Variants in MUC5B observed in about 807,000 individuals in gnomAD.
MUC5B encodes mucin 5B, oligomeric mucus/gel-forming, also known as mucin-5B.
Under a neutral mutation model 376.9 loss-of-function variants are expected in MUC5B, and 116 were observed. That is an observed-to-expected ratio of 0.31 (90% CI 0.26 to 0.36). MUC5B has a LOEUF of 0.36. Among genes scored for constraint, MUC5B ranks in the 10% least tolerant of loss-of-function variants. MUC5B has a pLI of 1.00. For synonymous variants in MUC5B, 3,517 were observed against 3,390.9 expected, an observed-to-expected ratio of 1.04 and a Z score of -1.29; for missense variants, 7,165 against 7,769.9, an observed-to-expected ratio of 0.92 and a Z score of 2.93.
At position 1,258,554 on chromosome 11, in the gene MUC5B, T is replaced by C. The variant is rs540523098; in HGVS notation, c.16593+187T>C. Among the ~76,000 whole-genome samples the C allele has an allele frequency of 6.6e-6, 1 of 152,218 alleles. No individual in the cohort carries two copies. Among genetic ancestry groups the C allele is most frequent in the African/African-American group, 2.4e-5 (1 of 41,536 alleles). On this transcript the variant is annotated intron_variant, in intron 43 of 48. Transcript: ENST00000529681. The surrounding 1 kb of genome is among the most constrained non-coding windows in gnomAD (Gnocchi z 5.5). The stretch of plus-strand genomic sequence containing the variant: ...CAGGGGCACCTTACGTCGACAGCCA[T>C]GAGCTCCACAACTGCTGCCTCTGAG...
At chr11:1,255,332 C>CGCAG in intron 36 of MUC5B, 51 bp from the exon 37 acceptor site, 1 of 1,377,444 alleles carries the variant, frequency 7.3e-7, no homozygotes, top group Non-Finnish European at 9.8e-7. Context: ...CACGCACGCA[C>CGCAG]GCAGCTCCCT....
At position 1,251,524 on chromosome 11, in the gene MUC5B, A is replaced by G. The variant is rs3021156; in HGVS notation, c.14644A>G (p.Thr4882Ala). The G allele has an allele frequency of 0.076, 122,284 of 1,612,810 alleles. 5,172 individuals are homozygous for G. Among genetic ancestry groups the G allele is most frequent in the Admixed American group, 0.12 (7,147 of 59,984 alleles). The change falls in exon 31 of 49, where the codon ACC (threonine) becomes GCC (alanine). Residue 4882 changes from threonine to alanine, a missense_variant. Transcript: ENST00000529681. Reference protein sequence around the residue: ...GTAHTPKVVTTMATMPTATAS... With the variant: ...GTAHTPKVVTAMATMPTATAS... Reference sequence around the variant, plus strand: ...AGCTCACACCCCCAAAGTGGTGACCACCATGGCCACTATGCCCACAGCCAC... The same window carrying G: ...AGCTCACACCCCCAAAGTGGTGACCGCCATGGCCACTATGCCCACAGCCAC...
intron 26 of MUC5B, 78 bp downstream of exon 26, chr11:1,239,105 G>A: frequency 6.6e-7 from 1 of 1,506,556 alleles, no homozygotes; most frequent in Admixed American, 2.0e-5. Flanking sequence ...CTCCGAAGGT[G>A]CATTGACCTG....
chr11:1,249,001 A>G lies in MUC5B; in HGVS notation c.12121A>G (p.Ile4041Val). 1.2e-6 allele frequency: 2 copies of G among 1,608,378 alleles called. No individual in the cohort carries two copies. Among genetic ancestry groups the G allele is most frequent in the South Asian group, 1.1e-5 (1 of 90,716 alleles). Reference protein sequence around the residue: ...ATSGTLGTTHITEPSTGTSHT... With the variant: ...ATSGTLGTTHVTEPSTGTSHT... ...CTCAGGCACCTTGGGCACCACCCAC[A>G]TCACAGAGCCTTCCACGGGGACTTC... The change falls in exon 31 of 49, where the codon ATC (isoleucine) becomes GTC (valine). Residue 4041 changes from isoleucine (I) to valine (V), a missense_variant. By Grantham distance (29) the Ile-to-Val change is conservative. Around this residue, in one of 31 missense-constraint regions of MUC5B, gnomAD observed 47 missense variants for 98.5 expected, o/e 0.48. Coordinates refer to ENST00000529681, the MANE Select transcript of MUC5B (RefSeq NM_002458.3).
At chr11:1,239,220 C>G in intron 26 of MUC5B, 193 bp downstream of exon 26, 1 of 921,824 alleles carries the variant, frequency 1.1e-6, no homozygotes, top group Non-Finnish European at 1.6e-6. Flanking sequence ...ACAGGTTGCC[C>G]CAGCATGAGA....
In MUC5B at chr11:1,255,028, C is replaced by T. The variant is rs1218831919; in HGVS notation, c.15665-13C>T. The T allele has an allele frequency of 1.3e-6, 2 of 1,576,748 alleles. No homozygotes were observed. The highest frequency in any genetic ancestry group is 1.8e-5 in the Admixed American group (1 of 54,996). Reference sequence around the variant, plus strand: ...CCCAGATTCCAGCCCCGCGGTGACGCCCCCACTCCCAGGCACCTGCACCAA... The same window carrying T: ...CCCAGATTCCAGCCCCGCGGTGACGTCCCCACTCCCAGGCACCTGCACCAA... On this transcript the variant is annotated splice_polypyrimidine_tract_variant and intron_variant, in intron 35 of 48. Coordinates refer to ENST00000529681, the MANE Select transcript of MUC5B (RefSeq NM_002458.3).
intron 18 of MUC5B, 54 bp downstream of exon 18, chr11:1,233,322 C>A: frequency 6.9e-7 from 1 of 1,456,858 alleles, no homozygotes; most frequent in South Asian, 1.4e-5. Flanking sequence ...AGCCACTTCC[C>A]GCCCTCCCCG....
rs192038475 is a variant in MUC5B, at chr11:1,244,838, C to T, written c.7958C>T (p.Pro2653Leu). ...TCCACGGTGACCCCCTCCTCCATCC[C>T]GGGGACCACCCACACCCCCACAGTG... Reference protein sequence around the residue: ...RGSTVTPSSIPGTTHTPTVLT... With the variant: ...RGSTVTPSSILGTTHTPTVLT... Residue 2653 changes from proline to leucine, a missense_variant, in exon 31 of 49, where the codon CCG becomes CTG. Around this residue, in one of 31 missense-constraint regions of MUC5B, gnomAD observed 141 missense variants for 111.2 expected, o/e 1.27. Transcript: ENST00000529681. 2.2e-5 allele frequency: 36 copies of T among 1,613,662 alleles called. No individual in the cohort carries two copies. Among genetic ancestry groups the T allele is most frequent in the African/African-American group, 1.2e-4 (9 of 74,946 alleles).
At position 1,227,704 on chromosome 11, in the gene MUC5B, A is replaced by G. The variant is rs773781510; in HGVS notation, c.697A>G (p.Asn233Asp). The G allele has an allele frequency of 4.1e-6, 3 of 723,732 alleles. No homozygotes were observed. The highest frequency in any genetic ancestry group is 5.1e-6 in the Non-Finnish European group (2 of 388,660). 44.8% of individuals were successfully genotyped at this position (723,732 alleles called of 1,614,324 possible). ...CAGGCTGACCCCGCTCCAGTTTGGG[A>G]ACCTGCAGAAGTTGGATGGGCCCAC... ...NARLTPLQFG[N>D]LQKLDGPTEQ... Residue 233 changes from asparagine (N) to aspartate (D), a missense_variant, in exon 7 of 49, where the codon AAC becomes GAC. Asn to Asp is a conservative substitution (Grantham distance 23, BLOSUM62 1). This residue lies in a region of MUC5B where 640 missense variants were observed against 733.0 expected (regional missense o/e 0.87). Transcript: ENST00000529681.
Position 1,236,438 on chromosome 11 carries a change from C to T in MUC5B, c.2933C>T (p.Pro978Leu), listed in dbSNP as rs55818843. 1.0e-4 allele frequency: 163 copies of T among 1,612,562 alleles called. No homozygotes were observed. In the East Asian group the frequency reaches 2.5e-3, roughly 25 times the overall value. The change falls in exon 24 of 49, where the codon CCG (proline) becomes CTG (leucine). Residue 978 changes from proline to leucine, a missense_variant. This residue lies in a region of MUC5B where 530 missense variants were observed against 604.0 expected (regional missense o/e 0.88). Transcript: ENST00000529681. The stretch of plus-strand genomic sequence containing the variant: ...ACCTTTAAGGCGGTGGCGAGAGGGC[C>T]GGGTGGGGACCCACCCTACAAGATA... The part of the protein sequence containing the change: ...EGTFKAVARG[P>L]GGDPPYKIRY...
Position 1,257,073 on chromosome 11 carries a change from C to T in MUC5B, c.16238-167C>T, listed in dbSNP as rs531689337. ...TTCCATGCACTGACAGCTGGGCTCA[C>T]GGTGCCCTGGCCTGAGCTCCAGCCA... On this transcript the variant is annotated intron_variant, in intron 39 of 48. Coordinates refer to ENST00000529681, the MANE Select transcript of MUC5B (RefSeq NM_002458.3). This position sits in a 1 kb window ranked among gnomAD's most constrained non-coding sequence, Gnocchi z 8.9. 2.6e-5 allele frequency among the ~76,000 whole-genome samples: 4 copies of T among 152,324 alleles called. No individual in the cohort carries two copies. Among genetic ancestry groups the T allele is most frequent in the South Asian group, 4.1e-4 (2 of 4,824 alleles).
rs1862265735 is a variant in MUC5B at position 1,240,881 on chromosome 11, T to C, written c.4001T>C (p.Val1334Ala). The C allele has an allele frequency of 1.2e-6, 2 of 1,611,658 alleles. No individual in the cohort carries two copies. The highest frequency in any genetic ancestry group is 8.5e-7 in the Non-Finnish European group (1 of 1,179,638). The change falls in exon 31 of 49, where the codon GTC becomes GCC. Residue 1334 changes from valine to alanine, a missense_variant. Val to Ala is a moderately conservative substitution (Grantham distance 64). Transcript: ENST00000529681. ...GCCCTCCCGGTCTCCACCGTGTGTGTCCGCGAGGTCTGCCGCTGGTCCAGC... is the reference window on the plus strand; with the variant it reads ...GCCCTCCCGGTCTCCACCGTGTGTGCCCGCGAGGTCTGCCGCTGGTCCAGC... ...SPALPVSTVC[V>A]REVCRWSSWY...
chr11:1,227,513 G>A (rs1202585347), intron 6 of MUC5B, 115 bp downstream of exon 6: 3 of 793,068 alleles, frequency 3.8e-6, no homozygotes, highest in South Asian at 3.1e-5. Flanking sequence ...GCAGGGAGGG[G>A]CCACGAGGAC....
rs1590172074 is a variant in MUC5B at position 1,234,091 on chromosome 11, T to C, written c.2378-114T>C. ...TGGGGGCTGCAGGTGTCATGGAAGC[T>C]TTGGCTCGGGGGCTGTTAACTTGAT... On this transcript the variant is annotated intron_variant, in intron 19 of 48. Coordinates refer to ENST00000529681, the MANE Select transcript of MUC5B (RefSeq NM_002458.3). This position sits in a 1 kb window ranked among gnomAD's most constrained non-coding sequence, Gnocchi z 6.3. 4.2e-6 allele frequency: 4 copies of C among 945,830 alleles called. No homozygotes were observed. The South Asian group carries it at 6.1e-5, about 14-fold the overall frequency. 58.6% of individuals were successfully genotyped at this position (945,830 alleles called of 1,614,324 possible).
rs1862848003 is a variant in MUC5B, at chr11:1,256,763, A to C, written c.16229A>C (p.Gln5410Pro). 6.5e-7 allele frequency: 1 copy of C among 1,530,120 alleles called. No homozygotes were observed. Among genetic ancestry groups the C allele is most frequent in the African/African-American group, 1.4e-5 (1 of 71,764 alleles). The allele number at this position is 1,530,120 out of a possible 1,614,324, so 94.8% of individuals were successfully genotyped here. A position where few individuals can be genotyped will look rare whatever the true frequency, so the allele number is the denominator to read the frequency against. Residue 5410 changes from glutamine to proline, a missense_variant, in exon 39 of 49, where the codon CAG (glutamine) becomes CCG (proline). Around this residue, in one of 31 missense-constraint regions of MUC5B, gnomAD observed 842 missense variants for 1,016.9 expected, o/e 0.83. Coordinates refer to ENST00000529681, the MANE Select transcript of MUC5B (RefSeq NM_002458.3). ...AACGCACACATGGGCATCTGCGTGCAGGCCTGCCGTAAGCTCCGCCACCTG... is the reference window on the plus strand; with the variant it reads ...AACGCACACATGGGCATCTGCGTGCCGGCCTGCCGTAAGCTCCGCCACCTG... ...LFNAHMGICVQACPCVGPDGF... is the reference protein window; with the variant it reads ...LFNAHMGICVPACPCVGPDGF...
At position 1,254,798 on chromosome 11, in the gene MUC5B, C is replaced by T. The variant is rs542345110; in HGVS notation, c.15582C>T (p.Gly5194=). Residue 5194 remains glycine (G), a synonymous_variant, in exon 35 of 49, where the codon GGC becomes GGT. Coordinates refer to ENST00000529681, the MANE Select transcript of MUC5B (RefSeq NM_002458.3). ...TTMRVDIPAL[G]VSVTFNGQVF... ...TGCGTGTGGACATTCCTGCCCTGGG[C>T]GTGAGCGTCACCTTCAATGGCCAAG... 123 of 1,612,640 alleles carry T rather than the reference C, an allele frequency of 7.6e-5. No homozygotes were observed. Among genetic ancestry groups the T allele is most frequent in the South Asian group, 8.8e-5 (8 of 91,082 alleles).
At position 1,241,497 on chromosome 11, in the gene MUC5B, C is replaced by A. The variant is rs540339910; in HGVS notation, c.4617C>A (p.His1539Gln). 3.7e-5 allele frequency: 59 copies of A among 1,613,684 alleles called. No individual in the cohort carries two copies. The highest frequency in any genetic ancestry group is 4.9e-5 in the Non-Finnish European group (58 of 1,179,814). Residue 1539 changes from histidine to glutamine, a missense_variant, in exon 31 of 49, where the codon CAC becomes CAA. His to Gln is a conservative substitution (Grantham distance 24). Transcript: ENST00000529681. ...ATAAGATCAGGGCCGCTGGAGGGCACTTATGCCAGCAGCCTAAGGACATAG... is the reference window on the plus strand; with the variant it reads ...ATAAGATCAGGGCCGCTGGAGGGCAATTATGCCAGCAGCCTAAGGACATAG... ...SYDKIRAAGGHLCQQPKDIEC... is the reference protein window; with the variant it reads ...SYDKIRAAGGQLCQQPKDIEC...
intron 1 of MUC5B, 57 bp from the exon 2 acceptor site, chr11:1,225,611 GTCCGTGGTTGGGT>G (rs1861861942): frequency 7.0e-7 from 1 of 1,427,454 alleles, no homozygotes; most frequent in Non-Finnish European, 9.6e-7. Flanking sequence ...ATGTGGCCAG[GTCCGTGGTTGGGT>G]TCGTGGCTGG....
rs1388319086 is a variant in MUC5B at position 1,245,898 on chromosome 11, T to A, written c.9018T>A (p.Thr3006=). The part of the protein sequence containing the change: ...QTTAATTTAT[T]GSTAIPSSTP... ...CAGCAGCCACTACGACCGCAACCAC[T>A]GGATCCACGGCCATCCCGTCCTCCA... The change falls in exon 31 of 49, where the codon ACT becomes ACA. Residue 3006 remains threonine (T), a synonymous_variant. Transcript: ENST00000529681. The A allele has an allele frequency of 1.2e-5, 19 of 1,612,334 alleles. No homozygotes were observed. The highest frequency in any genetic ancestry group is 1.6e-5 in the Non-Finnish European group (19 of 1,179,504).
Sources: gnomAD v4.1 joint callset for allele counts (sites outside exome capture counted in the v4.1 genomes callset) on GRCh38, gnomAD v4.1.1 for gene constraint, gnomAD v4.1.1 regional missense constraint, Gnocchi (gnomAD v3.1) non-coding constraint, MANE v1.5 for transcripts, NCBI Gene and HGNC (gene_info 2026-07-23, HGNC 2026-07-21) for gene names.